Variants in AP3B1 observed in about 807,000 individuals in gnomAD.
AP3B1 encodes AP-3 complex subunit beta-1.
AP3B1 carries 61 observed loss-of-function variants against 132.5 expected under a neutral mutation model. The observed-to-expected ratio is 0.46, with a 90% CI of 0.37 to 0.57. The LOEUF (loss-of-function observed/expected upper bound fraction) is 0.57, where lower values mean the gene tolerates loss of function less well. Among genes scored for constraint, AP3B1 ranks in the 20% least tolerant of loss-of-function variants. The pLI, the probability that AP3B1 is intolerant of heterozygous loss-of-function variation, is 0.00. For synonymous variants in AP3B1, 388 were observed against 438.3 expected (o/e 0.89, Z 1.43); for missense variants, 1,120 against 1,289.4 (o/e 0.87, Z 2.01).
chr5:78,039,039 T>C lies in AP3B1; in HGVS notation c.2809+4A>G, dbSNP rs747843144. The C allele has an allele frequency of 5.3e-6, 8 of 1,501,440 alleles. No individual in the cohort carries two copies. Among genetic ancestry groups the C allele is most frequent in the Non-Finnish European group, 6.5e-6 (7 of 1,079,838 alleles). 93.0% of individuals were successfully genotyped at this position (1,501,440 alleles called of 1,614,324 possible). On this transcript the variant is annotated splice_donor_region_variant and intron_variant, in intron 23 of 26. Coordinates refer to ENST00000255194, the MANE Select transcript of AP3B1 (RefSeq NM_003664.5). ...TAAGGTTTTAAATGAGAATTAATAT[T>C]TACCTATTGGATTAAAAACATGCAT...
At chr5:78,118,069 T>TA (rs1342109289) in intron 17 of AP3B1, among the ~76,000 whole-genome samples, 1 of 152,208 alleles carries the variant, frequency 6.6e-6, no homozygotes, top group Admixed American at 6.5e-5. Flanking sequence ...GAATAGTTTT[T>TA]AAACGCTAAT....
intron 22 of AP3B1, among the ~76,000 whole-genome samples, chr5:78,062,883 A>G (rs767523535): frequency 6.6e-6 from 1 of 152,188 alleles, no homozygotes; most frequent in Non-Finnish European, 1.5e-5. Flanking sequence ...GGCTGGGCTG[A>G]TGGGCACCAA....
intron 8 of AP3B1, among the ~76,000 whole-genome samples, chr5:78,180,261 A>T (rs1291174296): frequency 6.6e-6 from 1 of 152,104 alleles, no homozygotes; most frequent in African/African-American, 2.4e-5. Flanking sequence ...GTAAGCTCTA[A>T]ATTCTCAAGA....
intron 7 of AP3B1, among the ~76,000 whole-genome samples, chr5:78,196,294 G>C (rs560645000): frequency 1.1e-4 from 17 of 152,266 alleles, no homozygotes; most frequent in Non-Finnish European, 2.4e-4. Context: ...CATGTCATTA[G>C]GGAATTGCTA....
At chr5:78,148,204 C>T (rs1191781856) in intron 14 of AP3B1, among the ~76,000 whole-genome samples, 1 of 152,170 alleles carries the variant, frequency 6.6e-6, no homozygotes, top group Admixed American at 6.5e-5. Context: ...TTATGTATAG[C>T]AGCTGCACTC....
chr5:78,134,803 A>G (rs918056060), intron 15 of AP3B1, among the ~76,000 whole-genome samples: 34 of 152,320 alleles, frequency 2.2e-4, no homozygotes, highest in African/African-American at 6.5e-4. Context: ...TCGGCCTCCC[A>G]AAGTGCTGGG....
chr5:78,264,811 T>C (rs10054454), intron 2 of AP3B1, among the ~76,000 whole-genome samples: 35,343 of 152,168 alleles, frequency 0.23, 5,070 homozygotes, highest in Non-Finnish European at 0.32. Flanking sequence ...TCAGCTAATT[T>C]TCCTGTTTTG....
In AP3B1 at chr5:78,239,845, T is replaced by A. The variant is rs59984934; in HGVS notation, c.279+1017A>T. On this transcript the variant is annotated intron_variant, in intron 3 of 26. Coordinates refer to ENST00000255194, the MANE Select transcript of AP3B1 (RefSeq NM_003664.5). The stretch of plus-strand genomic sequence containing the variant: ...TTAAAAATTCCTCTCTCACCAACAC[T>A]ATCAATCACATTTAGTTAAGTAATA... 5.0e-3 allele frequency among the ~76,000 whole-genome samples: 753 copies of A among 150,996 alleles called. 4 individuals carry two copies. The highest frequency in any genetic ancestry group is 0.024 in the Middle Eastern group (7 of 288).
intron 22 of AP3B1, among the ~76,000 whole-genome samples, chr5:78,061,221 A>T (rs1749042219): frequency 6.6e-6 from 1 of 152,146 alleles, no homozygotes; most frequent in South Asian, 2.1e-4. Flanking sequence ...CTAGGTATGT[A>T]TCCTTTTTAA....
chr5:78,063,808 A>C (rs886176315), intron 22 of AP3B1, among the ~76,000 whole-genome samples: 1 of 152,218 alleles, frequency 6.6e-6, no homozygotes, highest in Non-Finnish European at 1.5e-5. Flanking sequence ...CAATGAGGTT[A>C]AAGTGTACAT....
intron 25 of AP3B1, chr5:78,015,964 C>A (rs1430221496): frequency 1.8e-5 from 4 of 221,216 alleles, no homozygotes; most frequent in Non-Finnish European, 2.7e-5. Flanking sequence ...TCTCTCATTG[C>A]CAAATGCTGC....
intron 22 of AP3B1, among the ~76,000 whole-genome samples, chr5:78,055,976 C>G (rs565728720): frequency 2.0e-5 from 3 of 152,014 alleles, no homozygotes; most frequent in Non-Finnish European, 4.4e-5. Flanking sequence ...ACAACCACAC[C>G]TTGAGACAAT....
At chr5:78,118,887 C>T (rs1752001777) in intron 17 of AP3B1, among the ~76,000 whole-genome samples, 1 of 152,208 alleles carries the variant, frequency 6.6e-6, no homozygotes, top group Non-Finnish European at 1.5e-5. Context: ...TCAAGTGGGT[C>T]CCTGACCCCC....
rs562431807 is a variant in AP3B1, at chr5:78,080,013, T to TATTC, written c.2577+9379_2577+9380insGAAT. The stretch of plus-strand genomic sequence containing the variant: ...CCTATGTATTCTTTTGTAATTTTCC[T>TATTC]ATTTATTTATTTATTTGACAGGTCT... On this transcript the variant is annotated intron_variant, in intron 22 of 26. Transcript: ENST00000255194. Among the ~76,000 whole-genome samples, 39 of 152,212 alleles carry TATTC rather than the reference T, an allele frequency of 2.6e-4. No individual in the cohort carries two copies. In the South Asian group the frequency reaches 8.1e-3, roughly 32 times the overall value.
At chr5:78,290,880 G>A (rs954272201) in intron 1 of AP3B1, among the ~76,000 whole-genome samples, 2 of 152,140 alleles carry the variant, frequency 1.3e-5, no homozygotes, top group South Asian at 2.1e-4. Flanking sequence ...AGCCCAGATG[G>A]TTGAGGCTGC....
chr5:78,210,951 T>A (rs962362713), intron 7 of AP3B1, among the ~76,000 whole-genome samples: 3 of 152,080 alleles, frequency 2.0e-5, no homozygotes, highest in African/African-American at 7.2e-5. Context: ...CTTAAACAAT[T>A]TTATATCCTT....
chr5:78,002,878 T>C lies in AP3B1; in HGVS notation c.*24A>G, dbSNP rs1009638675. On this transcript the variant is annotated 3_prime_UTR_variant, in exon 27 of 27. Coordinates refer to ENST00000255194, the MANE Select transcript of AP3B1 (RefSeq NM_003664.5). ...CCAGGCACTTTTGTTGTGTGCCAGA[T>C]TCTAAAGTCCAGATGTAAGCAGGTT... 6.2e-7 allele frequency: 1 copy of C among 1,614,206 alleles called. No homozygotes were observed. The highest frequency in any genetic ancestry group is 8.5e-7 in the Non-Finnish European group (1 of 1,180,028).
In AP3B1 at chr5:78,213,175, G is replaced by A. The variant is rs145218966; in HGVS notation, c.786+2880C>T. Among the ~76,000 whole-genome samples, 144 of 152,258 alleles carry A rather than the reference G, an allele frequency of 9.5e-4. No individual in the cohort carries two copies. The South Asian group carries it at 0.018, about 19-fold the overall frequency. ...ATTACAGGCGTGAGCCACCGCGCCCGGCCTCGTCTGCCAACTTCTAAAGCT... is the reference window on the plus strand; with the variant it reads ...ATTACAGGCGTGAGCCACCGCGCCCAGCCTCGTCTGCCAACTTCTAAAGCT... On this transcript the variant is annotated intron_variant, in intron 7 of 26. Transcript: ENST00000255194.
intron 21 of AP3B1, among the ~76,000 whole-genome samples, chr5:78,090,759 A>C (rs1750474075): frequency 6.6e-6 from 1 of 152,190 alleles, no homozygotes; most frequent in Non-Finnish European, 1.5e-5. Context: ...ACAAATTCTC[A>C]TTCCAAGATA....
Sources: allele counts gnomAD v4.1 joint callset (sites outside exome capture counted in the v4.1 genomes callset), GRCh38; gene constraint gnomAD v4.1.1; transcripts MANE v1.5; gene names NCBI Gene and HGNC (gene_info 2026-07-23, HGNC 2026-07-21).